RTN4: variants seen among roughly 807,000 people sequenced by gnomAD.
RTN4 encodes the protein reticulon-4.
Under a neutral mutation model 90.4 loss-of-function variants are expected in RTN4, and 32 were observed. That is an observed-to-expected ratio of 0.35 (90% CI 0.27 to 0.48). The LOEUF is 0.48. RTN4 is among the 20% of genes least tolerant of loss of function. The pLI is 0.99. For synonymous variants in RTN4, 629 were observed against 552.5 expected, an observed-to-expected ratio of 1.14 and a Z score of -1.94; for missense variants, 1,706 against 1,430.2, an observed-to-expected ratio of 1.19 and a Z score of -3.11.
intron 4 of RTN4, among the ~76,000 whole-genome samples, chr2:54,986,050 A>T (rs961278816): frequency 3.2e-4 from 49 of 152,226 alleles, no homozygotes; most frequent in Non-Finnish European, 1.2e-4. Flanking sequence ...CTTGAACCAA[A>T]CTAAGAACCA....
Position 54,972,421 on chromosome 2 carries a change from A to C in RTN4, c.*735T>G, listed in dbSNP as rs77225605. 6.6e-6 allele frequency: 1 copy of C among 152,338 alleles called. No individual in the cohort carries two copies. Among genetic ancestry groups the C allele is most frequent in the Admixed American group, 6.5e-5 (1 of 15,268 alleles). 9.4% of individuals were successfully genotyped at this position (152,338 alleles called of 1,614,324 possible). A position where few individuals can be genotyped will look rare whatever the true frequency, so the allele number is the denominator to read the frequency against. ...ACAGTCAGTCTGTGCAATGAAATTG[A>C]TGTTGGAGTTCTATGTGTGTGGCAT... On this transcript the variant is annotated 3_prime_UTR_variant, in exon 9 of 9. Coordinates refer to ENST00000337526, the MANE Select transcript of RTN4 (RefSeq NM_020532.5).
In RTN4 at chr2:54,974,764, A is replaced by G. The variant is rs1417719696; in HGVS notation, c.3361T>C (p.Phe1121Leu). The stretch of plus-strand genomic sequence containing the variant: ...GTAAATACCCACATCAACACTGCAA[A>G]CTATAAGAAAATAACATTAGCCCAT... ...LVDDLVDSLK[F>L]AVLMWVFTYV... The change falls in exon 6 of 9, where the codon TTT (phenylalanine) becomes CTT (leucine). Residue 1121 changes from phenylalanine to leucine, a missense_variant and splice_region_variant. Phe to Leu is a conservative substitution (Grantham distance 22, BLOSUM62 0). Coordinates refer to ENST00000337526, the MANE Select transcript of RTN4 (RefSeq NM_020532.5). 1 of 1,612,956 alleles carries G rather than the reference A, an allele frequency of 6.2e-7. No homozygotes were observed. The highest frequency in any genetic ancestry group is 1.1e-5 in the South Asian group (1 of 91,020).
At chr2:55,128,362 T>C in the RTN4 span, among the ~76,000 whole-genome samples, 1 of 152,132 alleles carries the variant, frequency 6.6e-6, no homozygotes, top group Non-Finnish European at 1.5e-5. Flanking sequence ...CTTAAAGCTC[T>C]CTCTCTAGAC....
intron 3 of RTN4, among the ~76,000 whole-genome samples, chr2:54,999,323 A>G (rs2104738504): frequency 6.6e-6 from 1 of 152,332 alleles, no homozygotes; most frequent in Middle Eastern, 3.4e-3. Flanking sequence ...GTCATCTGCC[A>G]TAGCTAAAAA....
At chr2:55,095,227 G>A (rs894662429) in intron 1 of RTN4, among the ~76,000 whole-genome samples, 2 of 152,046 alleles carry the variant, frequency 1.3e-5, no homozygotes, top group African/African-American at 4.8e-5. Context: ...GGGAGGCTGA[G>A]GCAGGAGAAT....
the RTN4 span, among the ~76,000 whole-genome samples, chr2:55,121,138 A>G: frequency 4.6e-5 from 7 of 152,218 alleles, no homozygotes; most frequent in African/African-American, 1.4e-4. Context: ...CCAGTCATTC[A>G]CCAAATACTT....
At chr2:55,047,882 G>C (rs1323104189) in intron 1 of RTN4, among the ~76,000 whole-genome samples, 1 of 152,164 alleles carries the variant, frequency 6.6e-6, no homozygotes, top group Non-Finnish European at 1.5e-5. Context: ...TTAGGTGAAT[G>C]AAAGAACTTG....
chr2:54,974,705 T>C lies in RTN4; in HGVS notation c.3420A>G (p.Leu1140=). 2 of 1,613,438 alleles carry C rather than the reference T, an allele frequency of 1.2e-6. No homozygotes were observed. The highest frequency in any genetic ancestry group is 1.7e-6 in the Non-Finnish European group (2 of 1,179,398). The change falls in exon 6 of 9, where the codon CTA becomes CTG. Residue 1140 remains leucine, a synonymous_variant. Transcript: ENST00000337526. ...GCTTTGTAGACTTACCCAAAATCAGTAGTGTCAGACCATTAAACAAGGCAC... is the reference window on the plus strand; with the variant it reads ...GCTTTGTAGACTTACCCAAAATCAGCAGTGTCAGACCATTAAACAAGGCAC... The part of the protein sequence containing the change: ...YVGALFNGLT[L]LILALISLFS...
rs765042994 is a variant in RTN4, at chr2:54,973,504, G to A, written c.3536+59C>T. 38 of 1,312,162 alleles carry A rather than the reference G, an allele frequency of 2.9e-5. 1 individual carries two copies. The highest frequency in any genetic ancestry group is 1.8e-4 in the Middle Eastern group (1 of 5,480). The allele number at this position is 1,312,162 out of a possible 1,614,324, so 81.3% of individuals were successfully genotyped here. ...ATTATGCCTGCAATATGAAAATACT[G>A]TTCTCACAATCCAGCACACCTTATC... On this transcript the variant is annotated intron_variant, in intron 8 of 8. Coordinates refer to ENST00000337526, the MANE Select transcript of RTN4 (RefSeq NM_020532.5).
At chr2:54,982,489 A>C (rs767185998) in intron 5 of RTN4, 26 bp downstream of exon 5, 1 of 1,600,400 alleles carries the variant, frequency 6.2e-7, no homozygotes, top group Non-Finnish European at 8.5e-7. Flanking sequence ...TGGGTATATC[A>C]AAAATGAAAG....
At chr2:55,103,835 C>T (rs1667896097) in intron 1 of RTN4, among the ~76,000 whole-genome samples, 1 of 151,716 alleles carries the variant, frequency 6.6e-6, no homozygotes, top group African/African-American at 2.4e-5. Flanking sequence ...GCTAGAATTA[C>T]AGGCTCCCAC....
chr2:55,118,675 G>A, the RTN4 span, among the ~76,000 whole-genome samples: 1 of 152,142 alleles, frequency 6.6e-6, no homozygotes, highest in Non-Finnish European at 1.5e-5. Flanking sequence ...CAAACCAGGA[G>A]TTAAGTCTAG....
rs575470295 is a variant in RTN4 at position 54,987,787 on chromosome 2, A to G, written c.3014-89T>C. ...TATGAAAACAAAAACGCTACTACAT[A>G]AAGTAAAATCAAACCTAAAAATTTA... is the stretch of plus-strand genomic sequence containing the variant. On this transcript the variant is annotated intron_variant, in intron 3 of 8. Transcript: ENST00000337526. 41 of 1,030,848 alleles carry G rather than the reference A, an allele frequency of 4.0e-5. No homozygotes were observed. The African/African-American group carries it at 6.3e-4, about 16-fold the overall frequency. 63.9% of individuals were successfully genotyped at this position (1,030,848 alleles called of 1,614,324 possible).
chr2:55,055,553 G>A (rs1668173240), upstream of RTN4, among the ~76,000 whole-genome samples: 3 of 152,070 alleles, frequency 2.0e-5, no homozygotes, highest in South Asian at 4.1e-4. Context: ...GGATCACGAG[G>A]TCAGGAGATC....
At chr2:55,078,978 G>C (rs879746700) in intron 2 of RTN4, among the ~76,000 whole-genome samples, 1 of 152,192 alleles carries the variant, frequency 6.6e-6, no homozygotes, top group Non-Finnish European at 1.5e-5. Context: ...TAAGACAAAC[G>C]GGAGCCAGTA....
At chr2:55,126,158 G>A in the RTN4 span, among the ~76,000 whole-genome samples, 3 of 151,776 alleles carry the variant, frequency 2.0e-5, no homozygotes, top group Non-Finnish European at 2.9e-5. Flanking sequence ...GAGGTCAAGA[G>A]TTTGAGACCT....
chr2:55,098,900 G>A (rs1187941460), intron 1 of RTN4, among the ~76,000 whole-genome samples: 1 of 152,040 alleles, frequency 6.6e-6, no homozygotes, highest in Non-Finnish European at 1.5e-5. Context: ...TTCTAAATTG[G>A]CATTTGGAAC....
chr2:54,973,106 A>G lies in RTN4; in HGVS notation c.*50T>C. 1 of 1,510,082 alleles carries G rather than the reference A, an allele frequency of 6.6e-7. No homozygotes were observed. Among genetic ancestry groups the G allele is most frequent in the South Asian group, 1.2e-5 (1 of 86,020 alleles). 93.5% of individuals were successfully genotyped at this position (1,510,082 alleles called of 1,614,324 possible). A position where few individuals can be genotyped will look rare whatever the true frequency, so the allele number is the denominator to read the frequency against. On this transcript the variant is annotated 3_prime_UTR_variant, in exon 9 of 9. Transcript: ENST00000337526. ...TCCCTGACCCTCCCCCGTATAATCA[A>G]ATGAATATCCCCTTTAAAGATGAAC...
chr2:55,115,601 C>G (rs1455659476), upstream of RTN4, among the ~76,000 whole-genome samples: 1 of 152,204 alleles, frequency 6.6e-6, no homozygotes, highest in Non-Finnish European at 1.5e-5. Context: ...CTGGGGTCCA[C>G]CCCCGTCTTA....
Sources: allele counts gnomAD v4.1 joint callset (sites outside exome capture counted in the v4.1 genomes callset), GRCh38; gene constraint gnomAD v4.1.1; transcripts MANE v1.5; gene names NCBI Gene and HGNC (gene_info 2026-07-23, HGNC 2026-07-21).